The following NFATC2 variants were observed in gnomAD, a reference collection of about 807,000 sequenced individuals.
NFATC2 encodes the protein nuclear factor of activated T cells 2, also known as nuclear factor of activated T-cells, cytoplasmic 2.
A neutral mutation model predicts 87.3 loss-of-function variants in NFATC2; 22 were observed. The ratio of observed to expected loss-of-function variants is 0.25; its 90% confidence interval spans 0.18 to 0.36. NFATC2 has a LOEUF of 0.36. Among genes scored for constraint, NFATC2 ranks in the 10% least tolerant of loss-of-function variants. The pLI, the probability that NFATC2 is intolerant of heterozygous loss-of-function variation, is 1.00. For synonymous variants in NFATC2, 565 were observed against 542.2 expected, an observed-to-expected ratio of 1.04 and a Z score of -0.58; for missense variants, 1,149 against 1,259.1, an observed-to-expected ratio of 0.91 and a Z score of 1.32.
rs1353910398 is a variant in NFATC2, at chr20:51,388,450, G to A, written c.*3046C>T. On this transcript the variant is annotated 3_prime_UTR_variant, in exon 11 of 11. Transcript: ENST00000371564. Reference sequence around the variant, plus strand: ...TCTGAGTGGGGGTTTTATTATATGGGTTTTTGTTTCCTGGAATGAGTAACA... The same window carrying A: ...TCTGAGTGGGGGTTTTATTATATGGATTTTTGTTTCCTGGAATGAGTAACA... The A allele has an allele frequency of 1.3e-5, 2 of 151,582 alleles. No individual in the cohort carries two copies. The allele number at this position is 151,582 out of a possible 1,614,324, so 9.4% of individuals were successfully genotyped here.
intron 3 of NFATC2, among the ~76,000 whole-genome samples, chr20:51,509,292 A>G (rs1389695411): frequency 6.6e-6 from 1 of 151,818 alleles, no homozygotes; most frequent in Non-Finnish European, 1.5e-5. Context: ...AAATTTTCCT[A>G]TTTATAAGCT....
Position 51,480,619 on chromosome 20 carries a change from G to A in NFATC2, c.1333-4959C>T, listed in dbSNP as rs1278584397. On this transcript the variant is annotated intron_variant, in intron 3 of 10. Coordinates refer to ENST00000371564, the MANE Select transcript of NFATC2 (RefSeq NM_012340.5). This position sits in a 1 kb window ranked among gnomAD's most constrained non-coding sequence, Gnocchi z 4.2. ...GAAAGCACAAAGTTTTTCACTTTGGGTCAGACATATCTGAATTTCGATGCC... is the reference window on the plus strand; with the variant it reads ...GAAAGCACAAAGTTTTTCACTTTGGATCAGACATATCTGAATTTCGATGCC... 1.3e-5 allele frequency among the ~76,000 whole-genome samples: 2 copies of A among 152,164 alleles called. No homozygotes were observed. The highest frequency in any genetic ancestry group is 2.9e-5 in the Non-Finnish European group (2 of 68,026).
At chr20:51,497,599 C>G (rs1427095167) in intron 3 of NFATC2, among the ~76,000 whole-genome samples, 1 of 152,192 alleles carries the variant, frequency 6.6e-6, no homozygotes, top group African/African-American at 2.4e-5. Flanking sequence ...CCATGATAGA[C>G]GTTCGCCTGA....
chr20:51,415,318 T>G (rs942642523), intron 9 of NFATC2, among the ~76,000 whole-genome samples: 1 of 152,112 alleles, frequency 6.6e-6, no homozygotes, highest in Non-Finnish European at 1.5e-5. Flanking sequence ...CAGTATTTCC[T>G]TGTGTGTCTG....
chr20:51,530,327 C>T (rs765160830), intron 1 of NFATC2, among the ~76,000 whole-genome samples: 18 of 151,992 alleles, frequency 1.2e-4, no homozygotes, highest in Non-Finnish European at 2.6e-4. Flanking sequence ...CTACCATGCC[C>T]GGCTAATTTT....
chr20:51,538,351 G>T (rs1043709193), intron 1 of NFATC2, among the ~76,000 whole-genome samples: 4 of 151,584 alleles, frequency 2.6e-5, no homozygotes, highest in African/African-American at 9.7e-5. Flanking sequence ...AAAAGCCTTT[G>T]ATATAATTCA....
chr20:51,450,366 C>A (rs962053376), intron 6 of NFATC2, among the ~76,000 whole-genome samples: 17 of 152,080 alleles, frequency 1.1e-4, no homozygotes, highest in African/African-American at 3.9e-4. Context: ...TATCACAAGA[C>A]CATAAAAATA....
At chr20:51,443,247 G>A (rs1984615054) in intron 6 of NFATC2, among the ~76,000 whole-genome samples, 1 of 152,010 alleles carries the variant, frequency 6.6e-6, no homozygotes, top group South Asian at 2.1e-4. Flanking sequence ...CTACCTATTG[G>A]TTTGCTATCT....
chr20:51,432,012 A>C lies in NFATC2; in HGVS notation c.2722+55T>G. The C allele has an allele frequency of 2.7e-6, 4 of 1,487,108 alleles. No individual in the cohort carries two copies. Among genetic ancestry groups the C allele is most frequent in the Non-Finnish European group, 3.6e-6 (4 of 1,111,410 alleles). The allele number at this position is 1,487,108 out of a possible 1,614,324, so 92.1% of individuals were successfully genotyped here. On this transcript the variant is annotated intron_variant, in intron 9 of 10. Transcript: ENST00000371564. This position sits in a 1 kb window ranked among gnomAD's most constrained non-coding sequence, Gnocchi z 4.6. ...AGGCCATGCAGTGAACTTCCTGGGC[A>C]GAGATGCTTCAGGGCACCATCCTTA...
rs927789302 is a variant in NFATC2, at chr20:51,397,363, A to T, written c.*44+1280T>A. 3.9e-5 allele frequency among the ~76,000 whole-genome samples: 6 copies of T among 151,928 alleles called. No individual in the cohort carries two copies. In the East Asian group the frequency reaches 5.8e-4, roughly 15 times the overall value. ...TAAAACCCTCAATAGGACCCTCAAT[A>T]GGACTGTAGCCCAGAGCTGTGGGTG... On this transcript the variant is annotated intron_variant, in intron 10 of 10. Coordinates refer to ENST00000371564, the MANE Select transcript of NFATC2 (RefSeq NM_012340.5).
At chr20:51,501,059 C>T (rs959805015) in intron 3 of NFATC2, among the ~76,000 whole-genome samples, 3 of 151,080 alleles carry the variant, frequency 2.0e-5, no homozygotes, top group Non-Finnish European at 4.4e-5. Flanking sequence ...AAGTTCCCAA[C>T]CTAAAGACAC....
At chr20:51,419,211 A>G (rs1419905217) in intron 9 of NFATC2, among the ~76,000 whole-genome samples, 2 of 152,122 alleles carry the variant, frequency 1.3e-5, no homozygotes, top group Non-Finnish European at 2.9e-5. Flanking sequence ...GATCATATCT[A>G]TCCTGCACAA....
At chr20:51,465,013 A>G (rs550359504) in intron 5 of NFATC2, among the ~76,000 whole-genome samples, 1 of 152,274 alleles carries the variant, frequency 6.6e-6, no homozygotes, top group African/African-American at 2.4e-5. Context: ...TGTCCCTCTC[A>G]TCTTCTTTCT....
At chr20:51,478,894 AT>A (rs762981148) in intron 3 of NFATC2, among the ~76,000 whole-genome samples, 1 of 152,160 alleles carries the variant, frequency 6.6e-6, no homozygotes, top group Non-Finnish European at 1.5e-5. Flanking sequence ...TCCACCTAGA[AT>A]CCTCTTCCAC....
chr20:51,487,972 G>C (rs1989859712), intron 3 of NFATC2, among the ~76,000 whole-genome samples: 1 of 152,086 alleles, frequency 6.6e-6, no homozygotes, highest in African/African-American at 2.4e-5. Flanking sequence ...GGGCTCTGTC[G>C]GTGACCTGGG....
At position 51,392,162 on chromosome 20, in the gene NFATC2, C is replaced by T. The variant is rs538732182; in HGVS notation, c.*45-711G>A. 2.8e-4 allele frequency among the ~76,000 whole-genome samples: 42 copies of T among 152,306 alleles called. 2 individuals are homozygous for T. In the South Asian group the frequency reaches 7.9e-3, roughly 29 times the overall value. ...TAAGTCTGATAAAACATGGTTCTTT[C>T]TTGATCCATAAAACTTACGGTTCTC... On this transcript the variant is annotated intron_variant, in intron 10 of 10. Transcript: ENST00000371564.
At chr20:51,403,588 G>A (rs376879791) in intron 9 of NFATC2, among the ~76,000 whole-genome samples, 5 of 152,156 alleles carry the variant, frequency 3.3e-5, no homozygotes, top group African/African-American at 1.2e-4. Flanking sequence ...TTGGAGATGG[G>A]GCCTTTGGGA....
In NFATC2 at chr20:51,390,301, G is replaced by C. The variant is rs187436814; in HGVS notation, c.*1195C>G. On this transcript the variant is annotated 3_prime_UTR_variant, in exon 11 of 11. Transcript: ENST00000371564. ...AAGCTGGGAAGCACATCCTGAGCTC[G>C]GCTGTCCCACTTAGAGGGAATTCAG... is the stretch of plus-strand genomic sequence containing the variant. 2.0e-5 allele frequency: 3 copies of C among 152,172 alleles called. No individual in the cohort carries two copies. Among genetic ancestry groups the C allele is most frequent in the Non-Finnish European group, 4.4e-5 (3 of 68,030 alleles). 9.4% of individuals were successfully genotyped at this position (152,172 alleles called of 1,614,324 possible). A position where few individuals can be genotyped will look rare whatever the true frequency, so the allele number is the denominator to read the frequency against.
chr20:51,419,888 G>A (rs1670280892), intron 9 of NFATC2, among the ~76,000 whole-genome samples: 1 of 151,826 alleles, frequency 6.6e-6, no homozygotes, highest in South Asian at 2.1e-4. Flanking sequence ...GCCAGAGAAA[G>A]AAAGGACAGG....
Sources: allele counts gnomAD v4.1 joint callset (sites outside exome capture counted in the v4.1 genomes callset), GRCh38; gene constraint gnomAD v4.1.1; non-coding constraint Gnocchi (gnomAD v3.1); transcripts MANE v1.5; gene names NCBI Gene and HGNC (gene_info 2026-07-23, HGNC 2026-07-21).